Variants in GPM6B observed in about 807,000 individuals in gnomAD.
The protein encoded by GPM6B is neuronal membrane glycoprotein M6-b.
GPM6B carries 4 observed loss-of-function variants against 27.2 expected under a neutral mutation model. The ratio of observed to expected loss-of-function variants is 0.15; its 90% CI spans 0.07 to 0.34. GPM6B has a LOEUF of 0.34. Among genes scored for constraint, GPM6B ranks in the 10% least tolerant of loss-of-function variants. The pLI is 1.00. For missense variants in GPM6B, 183 were observed against 261.9 expected (o/e 0.70, Z 2.08); for synonymous variants, 124 against 103.1 (o/e 1.20, Z -1.23).
intron 1 of GPM6B, among the ~76,000 whole-genome samples, chrX:13,827,525 C>A (rs1296684902): frequency 1.8e-5 from 2 of 111,308 alleles, no homozygotes; most frequent in African/African-American, 6.5e-5. Flanking sequence ...CAGTTCCCTG[C>A]ACTGAAAGGA....
At chrX:13,881,248 G>A (rs201516409) in intron 1 of GPM6B, among the ~76,000 whole-genome samples, 4 of 112,513 alleles carry the variant, frequency 3.6e-5, no homozygotes, top group Admixed American at 9.4e-5. Flanking sequence ...CGTGGCTCAC[G>A]CCTGTAATCC....
At chrX:13,859,820 T>C (rs2049822861) in intron 1 of GPM6B, among the ~76,000 whole-genome samples, 1 of 110,677 alleles carries the variant, frequency 9.0e-6, no homozygotes, top group African/African-American at 3.3e-5. Flanking sequence ...ATGTCAGCTA[T>C]TATAACTATG....
intron 1 of GPM6B, among the ~76,000 whole-genome samples, chrX:13,899,803 T>C (rs1053477158): frequency 1.3e-4 from 14 of 111,539 alleles, no homozygotes; most frequent in Non-Finnish European, 2.4e-4. Context: ...CCCGAACAGG[T>C]TGACATGAGA....
chrX:13,804,746 T>C (rs2048990737), intron 2 of GPM6B, among the ~76,000 whole-genome samples: 1 of 103,418 alleles, frequency 9.7e-6, no homozygotes, highest in East Asian at 3.0e-4. Flanking sequence ...TCAGCCTGTA[T>C]CAAAACCTCT....
chrX:13,839,898 CAA>C (rs1419810053), intron 1 of GPM6B, among the ~76,000 whole-genome samples: 1 of 111,643 alleles, frequency 9.0e-6, no homozygotes. Context: ...TGAAAAAGAA[CAA>C]AGAGGACTCA....
At chrX:13,840,693 G>A (rs1179862110) in intron 1 of GPM6B, among the ~76,000 whole-genome samples, 1 of 110,487 alleles carries the variant, frequency 9.1e-6, no homozygotes, top group Non-Finnish European at 1.9e-5. Context: ...TCCTCTCCCC[G>A]GACATTACCC....
chrX:13,879,666 A>T (rs1318521139), intron 1 of GPM6B, among the ~76,000 whole-genome samples: 1 of 112,552 alleles, frequency 8.9e-6, no homozygotes, highest in Non-Finnish European at 1.9e-5. Flanking sequence ...TACATTAAAA[A>T]GATTACAATG....
chrX:13,833,550 T>TAAAAAAAAAAAAAAAAA (rs755832950), intron 1 of GPM6B, among the ~76,000 whole-genome samples: 11 of 71,519 alleles, frequency 1.5e-4, no homozygotes, highest in East Asian at 1.0e-3. Context: ...CTCTATCTCT[T>TAAAAAAAAAAAAAAAAA]AAAAAAAAAA....
At chrX:13,860,708 T>G (rs2049835008) in intron 1 of GPM6B, among the ~76,000 whole-genome samples, 1 of 110,080 alleles carries the variant, frequency 9.1e-6, no homozygotes, top group Non-Finnish European at 1.9e-5. Context: ...TAGTGGTGAT[T>G]TCTGAGATTT....
At chrX:13,897,590 G>A (rs1006314160) in intron 1 of GPM6B, among the ~76,000 whole-genome samples, 1 of 111,881 alleles carries the variant, frequency 8.9e-6, no homozygotes, top group Non-Finnish European at 1.9e-5. Context: ...CAATCTATCT[G>A]TTACTCTCTG....
chrX:13,868,669 G>T (rs1048144952), intron 1 of GPM6B, among the ~76,000 whole-genome samples: 1 of 112,294 alleles, frequency 8.9e-6, no homozygotes, highest in African/African-American at 3.2e-5. Context: ...CCATGGCACA[G>T]AATAAAATGT....
At chrX:13,777,694 T>G (rs1162450666) in intron 5 of GPM6B, among the ~76,000 whole-genome samples, 1 of 112,712 alleles carries the variant, frequency 8.9e-6, no homozygotes, top group African/African-American at 3.2e-5. Context: ...CAGTGAGGGT[T>G]CACATTTGGA....
intron 1 of GPM6B, among the ~76,000 whole-genome samples, chrX:13,822,363 ATT>A (rs58011078): frequency 2.0e-5 from 2 of 102,252 alleles, no homozygotes; most frequent in South Asian, 4.3e-4. Context: ...AGTGACTCCT[ATT>A]TTTTTTTTTT....
chrX:13,819,622 G>A (rs2049285698), upstream of GPM6B, among the ~76,000 whole-genome samples: 1 of 112,142 alleles, frequency 8.9e-6, no homozygotes, highest in Admixed American at 9.5e-5. Flanking sequence ...TAAGTCTTCT[G>A]TATAATTGCA....
intron 1 of GPM6B, among the ~76,000 whole-genome samples, chrX:13,830,790 G>T (rs1295214397): frequency 8.9e-6 from 1 of 111,805 alleles, no homozygotes; most frequent in Non-Finnish European, 1.9e-5. Context: ...TGGAAGAAAG[G>T]GAAACGTTTT....
At chrX:13,831,262 T>A (rs1385001623) in intron 1 of GPM6B, among the ~76,000 whole-genome samples, 1 of 106,771 alleles carries the variant, frequency 9.4e-6, no homozygotes, top group Admixed American at 1.0e-4. Flanking sequence ...ACTGGTTTAT[T>A]TACAATCAGG....
intron 1 of GPM6B, among the ~76,000 whole-genome samples, chrX:13,852,875 G>A (rs2049735503): frequency 9.3e-6 from 1 of 107,683 alleles, no homozygotes; most frequent in African/African-American, 3.4e-5. Context: ...CAAACTCCTG[G>A]GCTCAAGTGA....
chrX:13,834,844 A>G (rs1315729066), intron 1 of GPM6B, among the ~76,000 whole-genome samples: 1 of 112,252 alleles, frequency 8.9e-6, no homozygotes, highest in Non-Finnish European at 1.9e-5. Context: ...TCGTATTAAG[A>G]CATACCAGTT....
intron 1 of GPM6B, among the ~76,000 whole-genome samples, chrX:13,836,035 C>T (rs1243601010): frequency 1.8e-5 from 2 of 111,929 alleles, no homozygotes; most frequent in African/African-American, 6.5e-5. Context: ...CTTCAGAACA[C>T]GTGGCTCTCA....
Sources: allele counts gnomAD v4.1 joint callset (sites outside exome capture counted in the v4.1 genomes callset), GRCh38; gene constraint gnomAD v4.1.1; transcripts MANE v1.5; gene names NCBI Gene and HGNC (gene_info 2026-07-23, HGNC 2026-07-21).